Variants in RBM42 observed in about 807,000 individuals in gnomAD.
RBM42 encodes the protein RNA-binding protein 42.
In RBM42, 21 loss-of-function variants were observed where a neutral mutation model predicts 41.4. The ratio of observed to expected loss-of-function variants is 0.51; its 90% confidence interval spans 0.36 to 0.73. The LOEUF (loss-of-function observed/expected upper bound fraction) is 0.73. Ranked by LOEUF, RBM42 falls within the 30% of genes least tolerant of loss-of-function variation. RBM42 has a pLI of 0.00. For missense variants in RBM42, 539 were observed against 680.4 expected, an observed-to-expected ratio of 0.79 and a Z score of 2.31; for synonymous variants, 272 against 271.2, an observed-to-expected ratio of 1.00 and a Z score of -0.03.
chr19:35,637,345 G>A lies in RBM42; in HGVS notation c.1323G>A (p.Glu441=), dbSNP rs755044234. 2 of 1,614,218 alleles carry A rather than the reference G, an allele frequency of 1.2e-6. No individual in the cohort carries two copies. The highest frequency in any genetic ancestry group is 1.1e-5 in the South Asian group (1 of 91,084). ...DPSDYVRAMR[E]MNGKYVGSRP... is the part of the protein sequence containing the mutation. ...GCGACTACGTGCGCGCCATGCGTGA[G>A]ATGAATGGTGGGTGCGGCCTCCCCT... The change falls in exon 9 of 10, where the codon GAG becomes GAA. Residue 441 remains glutamate, a synonymous_variant. Coordinates refer to ENST00000262633, the MANE Select transcript of RBM42 (RefSeq NM_024321.5). The surrounding 1 kb of genome is among the most constrained non-coding windows in gnomAD (Gnocchi z 7.0).
rs1323923624 is a variant in RBM42 at position 35,633,844 on chromosome 19, G to A, written c.842G>A (p.Gly281Glu). 16 of 1,566,216 alleles carry A rather than the reference G, an allele frequency of 1.0e-5. No homozygotes were observed. Among genetic ancestry groups the A allele is most frequent in the Non-Finnish European group, 1.4e-5 (16 of 1,161,442 alleles). Reference protein sequence around the residue: ...GGAPAGPAVIGPSLPLALAMP... With the variant: ...GGAPAGPAVIEPSLPLALAMP... Reference sequence around the variant, plus strand: ...GCCCCAGCTGGCCCTGCAGTCATTGGGCCCAGCCTGCCGCTGGCCCTGGCC... The same window carrying A: ...GCCCCAGCTGGCCCTGCAGTCATTGAGCCCAGCCTGCCGCTGGCCCTGGCC... Residue 281 changes from glycine to glutamate, a missense_variant, in exon 7 of 10, where the codon GGG becomes GAG. Coordinates refer to ENST00000262633, the MANE Select transcript of RBM42 (RefSeq NM_024321.5).
intron 6 of RBM42, 129 bp from the exon 7 acceptor site, chr19:35,633,558 G>T: frequency 2.4e-6 from 2 of 841,488 alleles, no homozygotes; most frequent in South Asian, 2.5e-5. Context: ...TCTGGCTGGA[G>T]ACTCTCTGCT....
intron 8 of RBM42, among the ~76,000 whole-genome samples, chr19:35,635,247 C>T (rs1333469397): frequency 1.4e-5 from 2 of 144,622 alleles, no homozygotes; most frequent in East Asian, 4.1e-4. Flanking sequence ...ACCCAGGAGG[C>T]AGAGGTTGCA....
At chr19:35,633,562 C>CT (rs1880565412) in intron 6 of RBM42, 125 bp from the exon 7 acceptor site, 1 of 901,446 alleles carries the variant, frequency 1.1e-6, no homozygotes, top group African/African-American at 1.8e-5. Context: ...GCTGGAGACT[C>CT]TCTGCTTGGG....
chr19:35,633,200 C>T lies in RBM42; in HGVS notation c.632C>T (p.Ala211Val), dbSNP rs1374182097. 6.2e-7 allele frequency: 1 copy of T among 1,611,836 alleles called. No homozygotes were observed. The highest frequency in any genetic ancestry group is 2.2e-5 in the East Asian group (1 of 44,864). Reference protein sequence around the residue: ...PGPPMMLPPMARAPGPPLGSM... With the variant: ...PGPPMMLPPMVRAPGPPLGSM... ...CCACCCATGATGCTGCCACCAATGG[C>T]TCGGGCTCCAGGGCCCCCGCTGGGC... Residue 211 changes from alanine (A) to valine (V), a missense_variant, in exon 6 of 10, where the codon GCT (alanine) becomes GTT (valine). Physicochemically the swap from Ala to Val is moderately conservative, Grantham distance 64. Transcript: ENST00000262633.
At position 35,633,792 on chromosome 19, in the gene RBM42, G is replaced by A. The variant is rs376712222; in HGVS notation, c.790G>A (p.Ala264Thr). 44 of 1,501,072 alleles carry A rather than the reference G, an allele frequency of 2.9e-5. No individual in the cohort carries two copies. In the East Asian group the frequency reaches 4.0e-4, roughly 14 times the overall value. 93.0% of individuals were successfully genotyped at this position (1,501,072 alleles called of 1,614,324 possible). ...AAAAGLEEAS[A>T]AVAVGAGGAP... is the part of the protein sequence containing the mutation. ...GGCGGCTGGGCTGGAGGAGGCTAGCGCGGCTGTGGCCGTGGGGGCAGGAGG... is the reference window on the plus strand; with the variant it reads ...GGCGGCTGGGCTGGAGGAGGCTAGCACGGCTGTGGCCGTGGGGGCAGGAGG... Residue 264 changes from alanine to threonine, a missense_variant, in exon 7 of 10, where the codon GCG becomes ACG. Coordinates refer to ENST00000262633, the MANE Select transcript of RBM42 (RefSeq NM_024321.5).
Position 35,629,604 on chromosome 19 carries a change from A to G in RBM42, c.213A>G (p.Thr71=), listed in dbSNP as rs757992768. ...TGCCCACTGTCCCCACGGTCCCCAC[A>G]GTAGAAGCGATGCAGGTCCCAGCGG... The part of the protein sequence containing the change: ...PAVPTVPTVP[T]VEAMQVPAAP... Residue 71 remains threonine (T), a synonymous_variant, in exon 2 of 10, where the codon ACA becomes ACG. Transcript: ENST00000262633. 6.2e-7 allele frequency: 1 copy of G among 1,614,236 alleles called. No homozygotes were observed. Among genetic ancestry groups the G allele is most frequent in the South Asian group, 1.1e-5 (1 of 91,086 alleles).
Position 35,637,222 on chromosome 19 carries a change from C to T in RBM42, c.1200C>T (p.Ala400=). The T allele has an allele frequency of 6.2e-7, 1 of 1,614,190 alleles. No homozygotes were observed. The highest frequency in any genetic ancestry group is 8.5e-7 in the Non-Finnish European group (1 of 1,180,036). ...NEVNDDILAR[A]FSRFPSFLKA... is the part of the protein sequence containing the mutation. ...TGAACGATGACATCTTGGCACGCGC[C>T]TTCAGCCGCTTCCCATCCTTCCTTA... The change falls in exon 9 of 10, where the codon GCC becomes GCT. Residue 400 remains alanine, a synonymous_variant. Coordinates refer to ENST00000262633, the MANE Select transcript of RBM42 (RefSeq NM_024321.5). The surrounding 1 kb of genome is among the most constrained non-coding windows in gnomAD (Gnocchi z 7.0).
chr19:35,629,261 A>G lies in RBM42; in HGVS notation c.108A>G (p.Glu36=). The G allele has an allele frequency of 6.5e-7, 1 of 1,535,314 alleles. No homozygotes were observed. The highest frequency in any genetic ancestry group is 8.7e-7 in the Non-Finnish European group (1 of 1,144,408). Residue 36 remains glutamate, a synonymous_variant, in exon 1 of 10, where the codon GAA becomes GAG. Coordinates refer to ENST00000262633, the MANE Select transcript of RBM42 (RefSeq NM_024321.5). The part of the protein sequence containing the change: ...PGKSGEERLK[E]MEAEMALFEQ... ...AAAGCGGCGAGGAACGCTTGAAGGA[A>G]ATGGAGGCGGAGATGGCCCTGTAAG...
intron 4 of RBM42, 87 bp from the exon 5 acceptor site, chr19:35,632,849 G>GCACA (rs143956129): frequency 9.7e-6 from 7 of 720,380 alleles, no homozygotes; most frequent in Non-Finnish European, 1.3e-5. Context: ...TGCTGAGAGT[G>GCACA]CACACACACA....
chr19:35,635,144 G>A (rs1478562895), intron 8 of RBM42, among the ~76,000 whole-genome samples: 10 of 151,168 alleles, frequency 6.6e-5, no homozygotes, highest in Admixed American at 1.3e-4. Context: ...GTGAAATCCC[G>A]TGTCTCTAAA....
At chr19:35,632,443 A>C (rs1355163824) in intron 4 of RBM42, among the ~76,000 whole-genome samples, 2 of 152,210 alleles carry the variant, frequency 1.3e-5, no homozygotes, top group African/African-American at 4.8e-5. Flanking sequence ...TTGCTTATAA[A>C]TATTCTTCCT....
rs942615706 is a variant in RBM42, at chr19:35,633,827, T to C, written c.825T>C (p.Ala275=). ...CCGTGGGGGCAGGAGGTGCCCCAGC[T>C]GGCCCTGCAGTCATTGGGCCCAGCC... ...AVAVGAGGAP[A]GPAVIGPSLP... Residue 275 remains alanine (A), a synonymous_variant, in exon 7 of 10, where the codon GCT becomes GCC. Transcript: ENST00000262633. The C allele has an allele frequency of 6.5e-7, 1 of 1,528,374 alleles. No homozygotes were observed. 94.7% of individuals were successfully genotyped at this position (1,528,374 alleles called of 1,614,324 possible).
In RBM42 at chr19:35,634,324, A is replaced by G; in HGVS notation, c.1086A>G (p.Thr362=). Residue 362 remains threonine (T), a synonymous_variant, in exon 8 of 10, where the codon ACA becomes ACG. Transcript: ENST00000262633. The stretch of plus-strand genomic sequence containing the variant: ...AGAAATTGAAACGGTGCATTCGCAC[A>G]GCGGCAGGGAGCAGCTGGGAGGACC... ...KPEKLKRCIR[T]AAGSSWEDPS... 1 of 1,614,200 alleles carries G rather than the reference A, an allele frequency of 6.2e-7. No homozygotes were observed. Among genetic ancestry groups the G allele is most frequent in the South Asian group, 1.1e-5 (1 of 91,070 alleles).
intron 4 of RBM42, chr19:35,631,966 T>TC (rs3214105): frequency 0.11 from 16,403 of 153,552 alleles, 1,305 homozygotes; most frequent in East Asian, 0.31. Context: ...CAGCCATCCT[T>TC]CCCCCCCAGG....
At chr19:35,635,825 T>C (rs1230693973) in intron 8 of RBM42, among the ~76,000 whole-genome samples, 1 of 152,114 alleles carries the variant, frequency 6.6e-6, no homozygotes, top group African/African-American at 2.4e-5. Context: ...CAGCCTCGAT[T>C]ATATCTTAAT....
chr19:35,631,039 A>G (rs1249070490), intron 2 of RBM42, 101 bp from the exon 3 acceptor site: 2 of 1,053,714 alleles, frequency 1.9e-6, no homozygotes, highest in East Asian at 2.4e-5. Flanking sequence ...CCAGCCACAT[A>G]CAGAGCACAA....
At chr19:35,630,391 C>T (rs1372693967) in intron 2 of RBM42, among the ~76,000 whole-genome samples, 2 of 151,228 alleles carry the variant, frequency 1.3e-5, no homozygotes, top group Non-Finnish European at 2.9e-5. Flanking sequence ...AGACCAGTGA[C>T]AGTGGAGTGA....
rs1967445922 is a variant in RBM42 at position 35,633,705 on chromosome 19, C to T, written c.703C>T (p.Arg235Ter). 2 of 1,466,380 alleles carry T rather than the reference C, an allele frequency of 1.4e-6. No homozygotes were observed. Among genetic ancestry groups the T allele is most frequent in the Non-Finnish European group, 1.8e-6 (2 of 1,113,670 alleles). 90.8% of individuals were successfully genotyped at this position (1,466,380 alleles called of 1,614,324 possible). The change falls in exon 7 of 10, where the codon CGA becomes TGA. Residue 235 changes from arginine (R) to a stop codon, truncating the protein, a stop_gained. Transcript: ENST00000262633. LOFTEE classifies it high-confidence loss of function. ...RPPLEEPAAPRELGLGLGLGL... is the reference protein window; with the variant it reads ...RPPLEEPAAP ...CCCACAGGAAGAGCCAGCAGCACCC[C>T]GAGAGCTGGGCCTAGGCCTGGGGTT...
Sources: allele counts gnomAD v4.1 joint callset (sites outside exome capture counted in the v4.1 genomes callset), GRCh38; gene constraint gnomAD v4.1.1; non-coding constraint Gnocchi (gnomAD v3.1); transcripts MANE v1.5; gene names NCBI Gene and HGNC (gene_info 2026-07-23, HGNC 2026-07-21).